Variants in COL18A1 observed in about 807,000 individuals in gnomAD.
COL18A1 encodes the protein collagen type XVIII alpha 1 chain, also known as collagen alpha-1(XVIII) chain.
Under a neutral mutation model 168.0 loss-of-function variants are expected in COL18A1, and 133 were observed. That is an observed-to-expected ratio of 0.79 (90% confidence interval 0.69 to 0.91). The LOEUF is 0.91. Among genes scored for constraint, COL18A1 ranks in the 40% least tolerant of loss-of-function variants. The probability of loss-of-function intolerance (pLI) is 0.00; values close to 1 mark genes in which losing one functional copy is unlikely to be tolerated. For missense variants in COL18A1, 2,126 were observed against 1,925.4 expected, an observed-to-expected ratio of 1.10 and a Z score of -1.95; for synonymous variants, 949 against 809.0, an observed-to-expected ratio of 1.17 and a Z score of -2.94.
chr21:45,411,253 A>T (rs2033280294), intron 2 of COL18A1, among the ~76,000 whole-genome samples: 1 of 152,102 alleles, frequency 6.6e-6, no homozygotes, highest in Non-Finnish European at 1.5e-5. Flanking sequence ...GACCCCATGG[A>T]GCCAGTGTCT....
At chr21:45,411,778 A>AGGGGGGGGGGGGGGGGGGGGGGG (rs1569273645) in intron 2 of COL18A1, among the ~76,000 whole-genome samples, 2 of 108,298 alleles carry the variant, frequency 1.8e-5, no homozygotes, top group Admixed American at 1.1e-4. Flanking sequence ...GGGGGGGGGC[A>AGGGGGGGGGGGGGGGGGGGGGGG]GGCTGTGGTC....
At chr21:45,510,879 C>T (rs2037536432) in intron 40 of COL18A1, among the ~76,000 whole-genome samples, 1 of 152,100 alleles carries the variant, frequency 6.6e-6, no homozygotes, top group Non-Finnish European at 1.5e-5. Context: ...GCCTGGCTCC[C>T]CCACGCTTGT....
At chr21:45,470,731 C>T (rs1376469890) in intron 3 of COL18A1, among the ~76,000 whole-genome samples, 7 of 152,154 alleles carry the variant, frequency 4.6e-5, no homozygotes, top group Admixed American at 2.6e-4. Flanking sequence ...AGGTGATCCA[C>T]CCGCCTAAGC....
rs559500998 is a variant in COL18A1 at position 45,456,648 on chromosome 21, G to C, written c.107-11594G>C. ...CAGGTGCGGGCCGGGGCACGGGCGT[G>C]GGGGGGCCTGCTGCAGACGCACTGC... is the stretch of plus-strand genomic sequence containing the variant. On this transcript the variant is annotated intron_variant, in intron 2 of 41. Coordinates refer to ENST00000651438, the MANE Select transcript of COL18A1 (RefSeq NM_001379500.1). 1.5e-4 allele frequency: 232 copies of C among 1,534,892 alleles called. No individual in the cohort carries two copies. In the South Asian group the frequency reaches 2.4e-3, roughly 16 times the overall value.
intron 19 of COL18A1, 63 bp downstream of exon 19, chr21:45,489,584 A>T: frequency 8.7e-7 from 1 of 1,148,354 alleles, no homozygotes; most frequent in Non-Finnish European, 1.2e-6. Flanking sequence ...CCAGCCGGAC[A>T]CCTGCGGAGA....
chr21:45,476,314 G>T, intron 5 of COL18A1, 37 bp from the exon 6 acceptor site: 1 of 1,613,094 alleles, frequency 6.2e-7, no homozygotes, highest in Non-Finnish European at 8.5e-7. Context: ...GGCATCTGCC[G>T]GCCGAATAAC....
chr21:45,445,042 A>G (rs553206434), intron 2 of COL18A1, among the ~76,000 whole-genome samples: 4 of 152,294 alleles, frequency 2.6e-5, no homozygotes, highest in South Asian at 2.1e-4. Flanking sequence ...GGTTTTCAGT[A>G]TATTCAAAAA....
At chr21:45,482,458 G>C in intron 14 of COL18A1, 1 of 560,548 alleles carries the variant, frequency 1.8e-6, no homozygotes, top group Non-Finnish European at 3.3e-6. Flanking sequence ...GCTTTGGACT[G>C]AGCAGGGGAC....
At chr21:45,437,119 A>ACACACT (rs71240728) in intron 2 of COL18A1, among the ~76,000 whole-genome samples, 38,359 of 112,916 alleles carry the variant, frequency 0.34, 7,131 homozygotes, top group African/African-American at 0.43. Flanking sequence ...ACACTCACAC[A>ACACACT]CAGACACACA....
chr21:45,462,853 A>G (rs1309944826), intron 2 of COL18A1, among the ~76,000 whole-genome samples: 1 of 151,698 alleles, frequency 6.6e-6, no homozygotes, highest in Non-Finnish European at 1.5e-5. Flanking sequence ...TGAACTCAGT[A>G]ATGTGGCTCT....
chr21:45,506,405 G>A, intron 37 of COL18A1: 3 of 325,264 alleles, frequency 9.2e-6, no homozygotes, highest in Non-Finnish European at 1.8e-5. Flanking sequence ...ACCAAGGTGG[G>A]ATGAAATGCA....
Position 45,471,335 on chromosome 21 carries a change from G to C in COL18A1, c.651+2549G>C, listed in dbSNP as rs1488745774. On this transcript the variant is annotated intron_variant, in intron 3 of 41. Transcript: ENST00000651438. This position sits in a 1 kb window ranked among gnomAD's most constrained non-coding sequence, Gnocchi z 4.4. ...AGCATGCTTGTGTGGTAGAAAAGAA[G>C]ACAGACTTGTTCAGCACAAGATTTT... 3.3e-5 allele frequency among the ~76,000 whole-genome samples: 5 copies of C among 152,234 alleles called. No individual in the cohort carries two copies. Among genetic ancestry groups the C allele is most frequent in the African/African-American group, 1.2e-4 (5 of 41,462 alleles).
chr21:45,478,221 G>T, intron 8 of COL18A1, 106 bp from the exon 9 acceptor site: 1 of 1,479,858 alleles, frequency 6.8e-7, no homozygotes, highest in Middle Eastern at 2.0e-4. Flanking sequence ...GAAGGCGTCT[G>T]CCGCCTCGTG....
chr21:45,442,475 C>T (rs1484066031), intron 2 of COL18A1, among the ~76,000 whole-genome samples: 1 of 152,234 alleles, frequency 6.6e-6, no homozygotes, highest in African/African-American at 2.4e-5. Context: ...GCCCTGTCAG[C>T]CTCTGCCTCC....
chr21:45,434,630 G>C (rs1444652109), intron 2 of COL18A1, among the ~76,000 whole-genome samples: 1 of 152,196 alleles, frequency 6.6e-6, no homozygotes, highest in Non-Finnish European at 1.5e-5. Context: ...TCTCCTCAGA[G>C]GGTGGCAGAG....
chr21:45,495,314 A>C (rs2036492659), intron 28 of COL18A1, 44 bp from the exon 29 acceptor site: 2 of 1,520,644 alleles, frequency 1.3e-6, no homozygotes, highest in Non-Finnish European at 1.8e-6. Context: ...GTGTCTGGTA[A>C]TCATCAGTGC....
intron 11 of COL18A1, 27 bp downstream of exon 11, chr21:45,480,183 A>C: frequency 7.4e-7 from 1 of 1,357,744 alleles, no homozygotes; most frequent in East Asian, 2.4e-5. Context: ...GCTTCCTGCG[A>C]CCCGGGGTCT....
intron 2 of COL18A1, among the ~76,000 whole-genome samples, chr21:45,433,560 C>T (rs2034022919): frequency 6.6e-6 from 1 of 152,176 alleles, no homozygotes; most frequent in Admixed American, 6.5e-5. Flanking sequence ...GCTCCTTTCG[C>T]GTGGCTGTCG....
At chr21:45,446,167 A>G (rs1217689433) in intron 2 of COL18A1, among the ~76,000 whole-genome samples, 1 of 152,184 alleles carries the variant, frequency 6.6e-6, no homozygotes, top group Non-Finnish European at 1.5e-5. Context: ...TTGGCCCAGC[A>G]CCGTTTGTTG....
Sources: allele counts gnomAD v4.1 joint callset (sites outside exome capture counted in the v4.1 genomes callset), GRCh38; gene constraint gnomAD v4.1.1; non-coding constraint Gnocchi (gnomAD v3.1); transcripts MANE v1.5; gene names NCBI Gene and HGNC (gene_info 2026-07-23, HGNC 2026-07-21).